The following THSD4 variants were observed in gnomAD, a reference collection of about 807,000 sequenced individuals.
The protein encoded by THSD4 is thrombospondin type-1 domain-containing protein 4.
Under a neutral mutation model 119.0 loss-of-function variants are expected in THSD4, and 69 were observed. The ratio of observed to expected loss-of-function variants is 0.58; its 90% confidence interval spans 0.48 to 0.71. THSD4 has a LOEUF of 0.71. THSD4 is among the 30% of genes least tolerant of loss of function. The pLI is 0.00. For synonymous variants in THSD4, 524 were observed against 540.4 expected (o/e 0.97, Z 0.42); for missense variants, 1,393 against 1,391.1 (o/e 1.00, Z -0.02).
rs377661653 is a variant in THSD4 at position 71,578,281 on chromosome 15, A to G, written c.1153-82249A>G. On this transcript the variant is annotated intron_variant, in intron 7 of 17. Transcript: ENST00000261862. ...GTAGACTCCAGGTGGTTATCTTGGC[A>G]GTGGGGTAGCTAGCACCAACATCTG... Among the ~76,000 whole-genome samples, 33 of 144,194 alleles carry G rather than the reference A, an allele frequency of 2.3e-4. No homozygotes were observed. In the East Asian group the frequency reaches 6.7e-3, roughly 29 times the overall value. 94.6% of individuals were successfully genotyped at this position (144,194 alleles called of 152,430 possible).
chr15:71,407,615 A>G (rs1215637038), intron 6 of THSD4, among the ~76,000 whole-genome samples: 1 of 149,192 alleles, frequency 6.7e-6, no homozygotes, highest in Non-Finnish European at 1.5e-5. Flanking sequence ...TTTCATGGTC[A>G]GAGGGCTTTT....
intron 6 of THSD4, among the ~76,000 whole-genome samples, chr15:71,332,668 A>C (rs1400004440): frequency 6.6e-6 from 1 of 152,100 alleles, no homozygotes; most frequent in Middle Eastern, 3.2e-3. Flanking sequence ...GGCTTAAGAT[A>C]GGGACCATTC....
intron 11 of THSD4, among the ~76,000 whole-genome samples, chr15:71,743,203 C>T (rs920008037): frequency 6.6e-5 from 10 of 152,174 alleles, no homozygotes; most frequent in Non-Finnish European, 1.2e-4. Context: ...TGGCCAGGTG[C>T]TGGACAACCC....
rs1364602676 is a variant in THSD4 at position 71,758,018 on chromosome 15, A to G, written c.2532A>G (p.Pro844=). 2 of 1,612,842 alleles carry G rather than the reference A, an allele frequency of 1.2e-6. No homozygotes were observed. The highest frequency in any genetic ancestry group is 2.2e-5 in the South Asian group (2 of 90,776). Residue 844 remains proline (P), a synonymous_variant, in exon 15 of 18, where the codon CCA becomes CCG. Coordinates refer to ENST00000261862, the MANE Select transcript of THSD4 (RefSeq NM_024817.3). ...CGNNRPAEAT[P]CDNGPCTGKV... The stretch of plus-strand genomic sequence containing the variant: ...ACAACCGGCCGGCAGAGGCCACCCC[A>G]TGTGACAACGGACCCTGCACGGGCA...
At position 71,456,438 on chromosome 15, in the gene THSD4, G is replaced by C. The variant is rs2047340468; in HGVS notation, c.1152+44615G>C. ...AAAGCATTGTTTCATGATTCATGGTGATGATGAAGGCACTGTGCTAAGCAT... is the reference window on the plus strand; with the variant it reads ...AAAGCATTGTTTCATGATTCATGGTCATGATGAAGGCACTGTGCTAAGCAT... On this transcript the variant is annotated intron_variant, in intron 7 of 17. Coordinates refer to ENST00000261862, the MANE Select transcript of THSD4 (RefSeq NM_024817.3). 2.0e-5 allele frequency among the ~76,000 whole-genome samples: 3 copies of C among 152,196 alleles called. No homozygotes were observed. In the South Asian group the frequency reaches 6.2e-4, roughly 32 times the overall value.
intron 7 of THSD4, among the ~76,000 whole-genome samples, chr15:71,558,013 T>C (rs2049047190): frequency 6.6e-6 from 1 of 152,180 alleles, no homozygotes. Flanking sequence ...ATCATTTTTT[T>C]CTTTAACTTT....
Position 71,777,374 on chromosome 15 carries a change from A to G in THSD4, c.3057A>G (p.Ter1019=), listed in dbSNP as rs761934848. 2.5e-6 allele frequency: 4 copies of G among 1,612,792 alleles called. No homozygotes were observed. The highest frequency in any genetic ancestry group is 3.4e-6 in the Non-Finnish European group (4 of 1,179,756). The change falls in exon 18 of 18, where the codon TAA becomes TAG. Residue 1019 remains the stop codon, a stop_retained_variant. Transcript: ENST00000261862. The part of the protein sequence containing the change: ...NRQTGFLGSR[*] ...AGACGGGCTTCCTGGGGAGCAGATAACACTCCTGCACCCCCATCAGTAGGG... is the reference window on the plus strand; with the variant it reads ...AGACGGGCTTCCTGGGGAGCAGATAGCACTCCTGCACCCCCATCAGTAGGG...
At chr15:71,760,403 A>C (rs1376999112) in intron 15 of THSD4, among the ~76,000 whole-genome samples, 7 of 152,202 alleles carry the variant, frequency 4.6e-5, no homozygotes. Flanking sequence ...CCACCAAGAA[A>C]GGAATATATT....
chr15:71,231,467 C>G (rs2044061053), intron 4 of THSD4, among the ~76,000 whole-genome samples: 1 of 152,188 alleles, frequency 6.6e-6, no homozygotes, highest in Non-Finnish European at 1.5e-5. Flanking sequence ...TTTCTGCTTC[C>G]TCTGCCTAGG....
intron 8 of THSD4, among the ~76,000 whole-genome samples, chr15:71,707,491 G>A (rs1165900777): frequency 6.6e-6 from 1 of 152,022 alleles, no homozygotes; most frequent in Non-Finnish European, 1.5e-5. Flanking sequence ...ATTAATTTGG[G>A]AACCAAGGCA....
At chr15:71,491,063 G>A (rs112359852) in intron 7 of THSD4, among the ~76,000 whole-genome samples, 6,410 of 152,164 alleles carry the variant, frequency 0.042, 224 homozygotes, top group African/African-American at 0.099. Flanking sequence ...TCAATATAAA[G>A]CCCAAGAAAT....
At chr15:71,201,014 C>A (rs1471869254) in intron 3 of THSD4, among the ~76,000 whole-genome samples, 1 of 152,136 alleles carries the variant, frequency 6.6e-6, no homozygotes, top group Non-Finnish European at 1.5e-5. Flanking sequence ...AAGACTTACG[C>A]TGTGAATCAA....
intron 8 of THSD4, among the ~76,000 whole-genome samples, chr15:71,685,108 G>A (rs1252142389): frequency 2.6e-5 from 4 of 151,666 alleles, no homozygotes; most frequent in African/African-American, 7.3e-5. Context: ...TTTCAAAAAT[G>A]TCTTGGAGAC....
chr15:71,299,704 T>A (rs2044917396), intron 6 of THSD4, among the ~76,000 whole-genome samples: 1 of 152,218 alleles, frequency 6.6e-6, no homozygotes, highest in African/African-American at 2.4e-5. Flanking sequence ...TCCTTATCAC[T>A]AAGAAATGAT....
intron 7 of THSD4, among the ~76,000 whole-genome samples, chr15:71,570,667 A>G (rs886258169): frequency 6.6e-6 from 1 of 152,146 alleles, no homozygotes; most frequent in Non-Finnish European, 1.5e-5. Flanking sequence ...TGATGGGAAT[A>G]TGGACATTTG....
rs111240705 is a variant in THSD4, at chr15:71,441,643, T to A, written c.1152+29820T>A. Among the ~76,000 whole-genome samples the A allele has an allele frequency of 6.2e-3, 938 of 152,102 alleles. 11 individuals are homozygous for A. The highest frequency in any genetic ancestry group is 0.021 in the African/African-American group (885 of 41,478). On this transcript the variant is annotated intron_variant, in intron 7 of 17. Transcript: ENST00000261862. ...CTGCTGACCTCGTAATCTGCCCGCC[T>A]TGGCCTCACAAAGTGCTGGCATTAC...
At position 71,779,729 on chromosome 15, in the gene THSD4, T is replaced by A. The variant is rs1595944067; in HGVS notation, c.*2355T>A. The stretch of plus-strand genomic sequence containing the variant: ...CTGCTGAAGGTTACCTAACCATTCT[T>A]TAAAAGGAGAATGACCCTCCATGGG... On this transcript the variant is annotated 3_prime_UTR_variant, in exon 18 of 18. Coordinates refer to ENST00000261862, the MANE Select transcript of THSD4 (RefSeq NM_024817.3). 6.6e-6 allele frequency: 1 copy of A among 152,184 alleles called. No homozygotes were observed. Among genetic ancestry groups the A allele is most frequent in the East Asian group, 1.9e-4 (1 of 5,196 alleles). 9.4% of individuals were successfully genotyped at this position (152,184 alleles called of 1,614,324 possible).
intron 6 of THSD4, among the ~76,000 whole-genome samples, chr15:71,324,096 T>A (rs2045309487): frequency 6.6e-6 from 1 of 152,128 alleles, no homozygotes; most frequent in Admixed American, 6.5e-5. Context: ...AATACCACCA[T>A]GAAATGTTAA....
intron 6 of THSD4, among the ~76,000 whole-genome samples, chr15:71,382,483 T>C (rs765936470): frequency 6.6e-6 from 1 of 152,186 alleles, no homozygotes; most frequent in Non-Finnish European, 1.5e-5. Flanking sequence ...CCACAAACCT[T>C]CTACATCTTA....
Sources: allele counts gnomAD v4.1 joint callset (sites outside exome capture counted in the v4.1 genomes callset), GRCh38; gene constraint gnomAD v4.1.1; transcripts MANE v1.5; gene names NCBI Gene and HGNC (gene_info 2026-07-23, HGNC 2026-07-21).